C1QL1: variants seen among roughly 807,000 people sequenced by gnomAD.
The protein encoded by C1QL1 is C1q-related factor.
Under a neutral mutation model 14.2 loss-of-function variants are expected in C1QL1, and 15 were observed. That is an observed-to-expected ratio of 1.06 (90% CI 0.71 to 1.62). The LOEUF (loss-of-function observed/expected upper bound fraction) is 1.62, where lower values mean the gene tolerates loss of function less well. Among genes scored for constraint, C1QL1 ranks in the 40% most tolerant of loss-of-function variants. The probability of loss-of-function intolerance (pLI) is 0.00; values close to 1 mark genes in which losing one functional copy is unlikely to be tolerated. For synonymous variants in C1QL1, 172 were observed against 172.4 expected (o/e 1.00, Z 0.02); for missense variants, 346 against 380.3 (o/e 0.91, Z 0.75).
At position 44,960,193 on chromosome 17, in the gene C1QL1, C is replaced by A; in HGVS notation, c.772G>T (p.Asp258Tyr). The A allele has an allele frequency of 6.2e-7, 1 of 1,613,882 alleles. No homozygotes were observed. ...TGGAGGGAGACGTGGGGAGCTCAGT[C>A]GGAGTAGATGATGAAGCCAGAGAAC... ...STFSGFIIYS[D>Y] Residue 258 changes from aspartate to tyrosine, a missense_variant, in exon 2 of 2, where the codon GAC (aspartate) becomes TAC (tyrosine). Transcript: ENST00000253407.
intron 1 of C1QL1, among the ~76,000 whole-genome samples, chr17:44,966,066 G>C (rs1394030403): frequency 2.6e-5 from 4 of 152,350 alleles, no homozygotes; most frequent in South Asian, 2.1e-4. Context: ...TAGATCCGGG[G>C]AGGAGAGGCC....
chr17:44,961,579 G>C (rs3024296), intron 1 of C1QL1, among the ~76,000 whole-genome samples: 5 of 127,760 alleles, frequency 3.9e-5, no homozygotes, highest in African/African-American at 1.7e-4. Flanking sequence ...GCGACATAGT[G>C]AGACTCAGTC....
At chr17:44,960,680 G>A (rs1018134015) in intron 1 of C1QL1, among the ~76,000 whole-genome samples, 11 of 152,178 alleles carry the variant, frequency 7.2e-5, no homozygotes, top group African/African-American at 2.2e-4. Flanking sequence ...AATACCTCCA[G>A]GAAGCCTGGA....
rs1005600221 is a variant in C1QL1, at chr17:44,959,799, C to T, written c.*389G>A. The T allele has an allele frequency of 3.6e-5, 7 of 195,816 alleles. No individual in the cohort carries two copies. The highest frequency in any genetic ancestry group is 1.4e-4 in the African/African-American group (6 of 42,332). 12.1% of individuals were successfully genotyped at this position (195,816 alleles called of 1,614,324 possible). ...TCCAGCCCCCAACTCCCCCCTCCCC[C>T]GGGCGCGCCACCCCGGAGGGAGCGG... On this transcript the variant is annotated 3_prime_UTR_variant, in exon 2 of 2. Transcript: ENST00000253407.
chr17:44,962,316 G>A (rs1046986691), intron 1 of C1QL1, among the ~76,000 whole-genome samples: 4 of 152,194 alleles, frequency 2.6e-5, no homozygotes, highest in South Asian at 4.1e-4. Context: ...AAGAGGACCC[G>A]ACATATTTGC....
chr17:44,959,967 C>T lies in C1QL1; in HGVS notation c.*221G>A, dbSNP rs941039014. On this transcript the variant is annotated 3_prime_UTR_variant, in exon 2 of 2. Transcript: ENST00000253407. ...GCGGGCTGGGCGGGGGCGGTCAACC[C>T]CGGTTCCCTGGCACGGGGACAGGGC... is the stretch of plus-strand genomic sequence containing the variant. The T allele has an allele frequency of 1.8e-6, 1 of 559,368 alleles. No homozygotes were observed. The highest frequency in any genetic ancestry group is 3.2e-6 in the Non-Finnish European group (1 of 316,852). The allele number at this position is 559,368 out of a possible 1,614,324, so 34.7% of individuals were successfully genotyped here.
Position 44,959,918 on chromosome 17 carries a change from A to T in C1QL1, c.*270T>A. 5.1e-6 allele frequency: 2 copies of T among 391,872 alleles called. No homozygotes were observed. Among genetic ancestry groups the T allele is most frequent in the Non-Finnish European group, 9.1e-6 (2 of 219,132 alleles). The allele number at this position is 391,872 out of a possible 1,614,324, so 24.3% of individuals were successfully genotyped here. ...TGGCAGGCGGAGGTGGGCAGTAAAC[A>T]GTCCTATTGTACAAATATATAGCGC... On this transcript the variant is annotated 3_prime_UTR_variant, in exon 2 of 2. Coordinates refer to ENST00000253407, the MANE Select transcript of C1QL1 (RefSeq NM_006688.5).
Position 44,967,382 on chromosome 17 carries a change from G to C in C1QL1, c.597+70C>G. On this transcript the variant is annotated intron_variant, in intron 1 of 1. Coordinates refer to ENST00000253407, the MANE Select transcript of C1QL1 (RefSeq NM_006688.5). This position sits in a 1 kb window ranked among gnomAD's most constrained non-coding sequence, Gnocchi z 7.0. ...CTGGCGCCCCCGCCAACTCCGATCA[G>C]GTACCCATTTGCCCCGGGCTCCCTG... The C allele has an allele frequency of 1.3e-6, 2 of 1,490,538 alleles. No individual in the cohort carries two copies. The highest frequency in any genetic ancestry group is 1.8e-6 in the Non-Finnish European group (2 of 1,093,314). The allele number at this position is 1,490,538 out of a possible 1,614,324, so 92.3% of individuals were successfully genotyped here.
At chr17:44,960,739 G>C (rs2052623465) in intron 1 of C1QL1, among the ~76,000 whole-genome samples, 1 of 152,176 alleles carries the variant, frequency 6.6e-6, no homozygotes, top group South Asian at 2.1e-4. Context: ...GGAATGGAGG[G>C]CCTTCCCTAC....
chr17:44,964,120 G>A (rs1018303236), intron 1 of C1QL1, among the ~76,000 whole-genome samples: 9 of 152,166 alleles, frequency 5.9e-5, no homozygotes, highest in Non-Finnish European at 8.8e-5. Context: ...GACAGAGGGA[G>A]CCTCAGTGCC....
chr17:44,963,579 C>T (rs1463161658), intron 1 of C1QL1, among the ~76,000 whole-genome samples: 1 of 152,076 alleles, frequency 6.6e-6, no homozygotes, highest in Non-Finnish European at 1.5e-5. Context: ...CCCACCACCA[C>T]ACCCGGCTAT....
At position 44,959,819 on chromosome 17, in the gene C1QL1, G is replaced by A; in HGVS notation, c.*369C>T. On this transcript the variant is annotated 3_prime_UTR_variant, in exon 2 of 2. Coordinates refer to ENST00000253407, the MANE Select transcript of C1QL1 (RefSeq NM_006688.5). Reference sequence around the variant, plus strand: ...TCCCCCGGGCGCGCCACCCCGGAGGGAGCGGAGGGCAGCTCATCTCAGAGC... The same window carrying A: ...TCCCCCGGGCGCGCCACCCCGGAGGAAGCGGAGGGCAGCTCATCTCAGAGC... The A allele has an allele frequency of 4.8e-6, 1 of 209,532 alleles. No individual in the cohort carries two copies. The highest frequency in any genetic ancestry group is 9.4e-6 in the Non-Finnish European group (1 of 106,772). The allele number at this position is 209,532 out of a possible 1,614,324, so 13.0% of individuals were successfully genotyped here.
Position 44,959,875 on chromosome 17 carries a change from C to T in C1QL1, c.*313G>A. ...AAGCAAACCCGCCGCCGCGACCTCT[C>T]CCCAGGCTGGGGTGGGCTGGCAGGC... On this transcript the variant is annotated 3_prime_UTR_variant, in exon 2 of 2. Coordinates refer to ENST00000253407, the MANE Select transcript of C1QL1 (RefSeq NM_006688.5). 3.6e-6 allele frequency: 1 copy of T among 274,150 alleles called. No individual in the cohort carries two copies. Among genetic ancestry groups the T allele is most frequent in the Non-Finnish European group, 6.8e-6 (1 of 146,978 alleles). 17.0% of individuals were successfully genotyped at this position (274,150 alleles called of 1,614,324 possible). A position where few individuals can be genotyped will look rare whatever the true frequency, so the allele number is the denominator to read the frequency against.
In C1QL1 at chr17:44,967,104, C is replaced by G. The variant is rs114998267; in HGVS notation, c.597+348G>C. Among the ~76,000 whole-genome samples the G allele has an allele frequency of 3.0e-3, 462 of 152,390 alleles. 3 individuals carry two copies. The highest frequency in any genetic ancestry group is 0.011 in the African/African-American group (449 of 41,598). ...ATCCTTGCCCTCCCCTTATCGCCCA[C>G]TGCTGTCGGCCCGAATCCACTTCCC... On this transcript the variant is annotated intron_variant, in intron 1 of 1. Transcript: ENST00000253407. This position sits in a 1 kb window ranked among gnomAD's most constrained non-coding sequence, Gnocchi z 7.0.
chr17:44,967,851 C>T lies in C1QL1; in HGVS notation c.198G>A (p.Gln66=). 7.4e-7 allele frequency: 1 copy of T among 1,345,574 alleles called. No individual in the cohort carries two copies. Among genetic ancestry groups the T allele is most frequent in the Non-Finnish European group, 9.4e-7 (1 of 1,059,204 alleles). The allele number at this position is 1,345,574 out of a possible 1,614,324, so 83.4% of individuals were successfully genotyped here. A position where few individuals can be genotyped will look rare whatever the true frequency, so the allele number is the denominator to read the frequency against. ...SGAPPPSTLV[Q]GPQGKPGRTG... is the part of the protein sequence containing the mutation. Reference sequence around the variant, plus strand: ...TGCGGCCCGGCTTCCCCTGGGGGCCCTGCACCAGCGTGGAAGGCGGGGGCG... The same window carrying T: ...TGCGGCCCGGCTTCCCCTGGGGGCCTTGCACCAGCGTGGAAGGCGGGGGCG... Residue 66 remains glutamine (Q), a synonymous_variant, in exon 1 of 2, where the codon CAG becomes CAA. Coordinates refer to ENST00000253407, the MANE Select transcript of C1QL1 (RefSeq NM_006688.5). This position sits in a 1 kb window ranked among gnomAD's most constrained non-coding sequence, Gnocchi z 7.0.
In C1QL1 at chr17:44,963,496, C is replaced by G. The variant is rs945163684; in HGVS notation, c.598-3129G>C. ...GGAGTGCAGTGGTGCGATCTTGGCT[C>G]ACTGCAACTTCCACTTCCCAGGTTC... On this transcript the variant is annotated intron_variant, in intron 1 of 1. Transcript: ENST00000253407. Among the ~76,000 whole-genome samples, 3 of 152,276 alleles carry G rather than the reference C, an allele frequency of 2.0e-5. No individual in the cohort carries two copies. The South Asian group carries it at 6.2e-4, about 32-fold the overall frequency.
At position 44,967,421 on chromosome 17, in the gene C1QL1, C is replaced by A. The variant is rs1310479732; in HGVS notation, c.597+31G>T. ...CCGGGCTCCCTGGGTGCCCTGGGCC[C>A]AGCCCAGCCCCATGCCCCCGCCTGG... On this transcript the variant is annotated intron_variant, in intron 1 of 1. Transcript: ENST00000253407. The surrounding 1 kb of genome is among the most constrained non-coding windows in gnomAD (Gnocchi z 7.0). 2 of 1,603,944 alleles carry A rather than the reference C, an allele frequency of 1.2e-6. No homozygotes were observed. The highest frequency in any genetic ancestry group is 1.3e-5 in the African/African-American group (1 of 74,858).
chr17:44,960,433 G>C, intron 1 of C1QL1, 66 bp from the exon 2 acceptor site: 120 of 1,149,342 alleles, frequency 1.0e-4, no homozygotes, highest in Middle Eastern at 5.6e-4. Context: ...GGGAGGTGAG[G>C]CAGTCCCGTG....
chr17:44,968,120 G>A lies in C1QL1; in HGVS notation c.-72C>T, dbSNP rs1256156468. 2.9e-6 allele frequency: 3 copies of A among 1,034,046 alleles called. No individual in the cohort carries two copies. Among genetic ancestry groups the A allele is most frequent in the Admixed American group, 4.7e-5 (1 of 21,192 alleles). 64.1% of individuals were successfully genotyped at this position (1,034,046 alleles called of 1,614,324 possible). A position where few individuals can be genotyped will look rare whatever the true frequency, so the allele number is the denominator to read the frequency against. ...AGCCTGGGGAGCGCCGGGCCGCCCG[G>A]CCGCGCCGTCGGGGCAATGGTGCCG... On this transcript the variant is annotated 5_prime_UTR_variant, in exon 1 of 2. Coordinates refer to ENST00000253407, the MANE Select transcript of C1QL1 (RefSeq NM_006688.5).
Sources: allele counts gnomAD v4.1 joint callset (sites outside exome capture counted in the v4.1 genomes callset), GRCh38; gene constraint gnomAD v4.1.1; non-coding constraint Gnocchi (gnomAD v3.1); transcripts MANE v1.5; gene names NCBI Gene and HGNC (gene_info 2026-07-23, HGNC 2026-07-21).